The following USH2A variants were observed in gnomAD, a reference collection of about 807,000 sequenced individuals.
The protein encoded by USH2A is Usher syndrome 2A (autosomal recessive, mild).
In USH2A, 443 loss-of-function variants were observed where a neutral mutation model predicts 538.9. That is an observed-to-expected ratio of 0.82 (90% CI 0.76 to 0.89). USH2A has a LOEUF of 0.89. USH2A is among the 40% of genes least tolerant of loss of function. The probability of loss-of-function intolerance (pLI) is 0.00; values close to 1 mark genes in which losing one functional copy is unlikely to be tolerated. For missense variants in USH2A, 6,633 were observed against 6,324.8 expected, an observed-to-expected ratio of 1.05 and a Z score of -1.65; for synonymous variants, 2,413 against 2,273.5, an observed-to-expected ratio of 1.06 and a Z score of -1.75.
At chr1:215,673,450 CCAAA>C (rs1393902524) in intron 63 of USH2A, among the ~76,000 whole-genome samples, 22 of 152,144 alleles carry the variant, frequency 1.4e-4, no homozygotes, top group African/African-American at 4.8e-4. Flanking sequence ...GGGAAAACTG[CCAAA>C]CAATTATTTA....
At chr1:216,394,857 T>C (rs1300127663) in intron 3 of USH2A, among the ~76,000 whole-genome samples, 2 of 151,734 alleles carry the variant, frequency 1.3e-5, no homozygotes, top group South Asian at 2.1e-4. Flanking sequence ...TAGCTGGGAC[T>C]ACAGGCGCCC....
chr1:216,287,962 T>C (rs700025), intron 11 of USH2A, among the ~76,000 whole-genome samples: 143,016 of 152,152 alleles, frequency 0.94, 67,572 homozygotes, highest in East Asian at 1. Flanking sequence ...TTTTATATGA[T>C]CGAAACTGTT....
chr1:216,248,918 C>A (rs2036104346), intron 12 of USH2A, among the ~76,000 whole-genome samples: 1 of 152,038 alleles, frequency 6.6e-6, no homozygotes, highest in South Asian at 2.1e-4. Flanking sequence ...ATTCTTCTCC[C>A]TTTTTATTCT....
chr1:216,084,915 G>A, intron 24 of USH2A, 38 bp from the exon 25 acceptor site: 1 of 1,596,108 alleles, frequency 6.3e-7, no homozygotes, highest in South Asian at 1.1e-5. Context: ...TATATATTTT[G>A]AAAGATTATT....
At chr1:215,877,976 T>C in intron 42 of USH2A, 96 bp from the exon 43 acceptor site, 4 of 1,526,318 alleles carry the variant, frequency 2.6e-6, no homozygotes, top group South Asian at 1.1e-5. Context: ...GTGTGATATA[T>C]GCGTGGAAGC....
At chr1:216,055,766 T>C (rs1330870706) in intron 30 of USH2A, among the ~76,000 whole-genome samples, 2 of 152,206 alleles carry the variant, frequency 1.3e-5, no homozygotes, top group Non-Finnish European at 2.9e-5. Context: ...ACTTCTAATA[T>C]TTACAAAGGG....
chr1:216,344,884 C>T (rs1299429769), intron 4 of USH2A, among the ~76,000 whole-genome samples: 6 of 150,748 alleles, frequency 4.0e-5, no homozygotes, highest in East Asian at 3.9e-4. Context: ...TTTGGCAATA[C>T]GAGATATTAA....
chr1:216,078,320 T>C lies in USH2A; in HGVS notation c.5341A>G (p.Ser1781Gly). 1 of 1,613,654 alleles carries C rather than the reference T, an allele frequency of 6.2e-7. No individual in the cohort carries two copies. The highest frequency in any genetic ancestry group is 2.2e-5 in the East Asian group (1 of 44,894). The change falls in exon 27 of 72, where the codon AGT becomes GGT. Residue 1781 changes from serine (S) to glycine (G), a missense_variant. Coordinates refer to ENST00000307340, the MANE Select transcript of USH2A (RefSeq NM_206933.4). ...AGATCCACTTGTGTAAAGGCAAGAC[T>C]GGTATTTAACCGGAAGGTCAATATT... ...SGILTFRLNTSLAFTQVDLLL... is the reference protein window; with the variant it reads ...SGILTFRLNTGLAFTQVDLLL...
intron 30 of USH2A, among the ~76,000 whole-genome samples, chr1:216,054,026 C>T (rs1260761728): frequency 6.6e-6 from 1 of 152,172 alleles, no homozygotes; most frequent in African/African-American, 2.4e-5. Context: ...AGAGAACTTG[C>T]AACTTAGAAG....
At chr1:216,046,723 G>T in intron 31 of USH2A, 131 bp from the exon 32 acceptor site, 2 of 1,072,462 alleles carry the variant, frequency 1.9e-6, no homozygotes, top group Non-Finnish European at 2.8e-6. Context: ...TTCGTGGGCA[G>T]CTTGTCAGTA....
chr1:216,257,775 T>C (rs952477034), intron 11 of USH2A, among the ~76,000 whole-genome samples: 2 of 152,080 alleles, frequency 1.3e-5, no homozygotes, highest in African/African-American at 4.8e-5. Flanking sequence ...GGATAGGTTA[T>C]ATTGCTATGA....
chr1:215,872,502 C>A (rs924849013), intron 43 of USH2A, among the ~76,000 whole-genome samples: 2 of 152,114 alleles, frequency 1.3e-5, no homozygotes, highest in African/African-American at 2.4e-5. Flanking sequence ...TAATTTCCAT[C>A]TTTGTTCTAC....
At chr1:215,784,773 T>C (rs1468454612) in intron 52 of USH2A, among the ~76,000 whole-genome samples, 2 of 152,214 alleles carry the variant, frequency 1.3e-5, no homozygotes, top group Non-Finnish European at 1.5e-5. Flanking sequence ...ATTTGTAGTA[T>C]TTTCTGCAGG....
At chr1:216,097,468 T>A (rs962734037) in intron 21 of USH2A, among the ~76,000 whole-genome samples, 1 of 152,074 alleles carries the variant, frequency 6.6e-6, no homozygotes. Flanking sequence ...GCAAAACTCA[T>A]CAACCCAAAA....
chr1:216,170,185 G>A (rs998090727), intron 21 of USH2A, among the ~76,000 whole-genome samples: 43 of 151,756 alleles, frequency 2.8e-4, no homozygotes, highest in African/African-American at 1.0e-3. Context: ...TAACAATAAG[G>A]CATAAATATT....
At chr1:215,660,274 T>G (rs1363252584) in intron 64 of USH2A, among the ~76,000 whole-genome samples, 1 of 152,216 alleles carries the variant, frequency 6.6e-6, no homozygotes, top group African/African-American at 2.4e-5. Flanking sequence ...TTGTTTGAGA[T>G]TAAATTAGTT....
At chr1:216,073,062 C>T (rs1315360037) in intron 28 of USH2A, 35 bp downstream of exon 28, 2 of 1,613,394 alleles carry the variant, frequency 1.2e-6, no homozygotes, top group Non-Finnish European at 8.5e-7. Flanking sequence ...GAATAAGAGA[C>T]ATGTAACATT....
Position 215,964,524 on chromosome 1 carries a change from C to G in USH2A, c.7120+793G>C, listed in dbSNP as rs1667285142. On this transcript the variant is annotated intron_variant, in intron 37 of 71. Transcript: ENST00000307340. ...CAGAAACAAAGAAACGTTTTCAAGCCTAAGCAACAGACTAACATGCTAATA... is the reference window on the plus strand; with the variant it reads ...CAGAAACAAAGAAACGTTTTCAAGCGTAAGCAACAGACTAACATGCTAATA... Among the ~76,000 whole-genome samples, 3 of 152,078 alleles carry G rather than the reference C, an allele frequency of 2.0e-5. No individual in the cohort carries two copies. In the South Asian group the frequency reaches 6.2e-4, roughly 31 times the overall value.
At chr1:215,856,893 G>A (rs1664186326) in intron 44 of USH2A, among the ~76,000 whole-genome samples, 2 of 149,262 alleles carry the variant, frequency 1.3e-5, no homozygotes, top group South Asian at 2.1e-4. Flanking sequence ...GCCATTCAAA[G>A]GAACAAAATA....
Sources: allele counts gnomAD v4.1 joint callset (sites outside exome capture counted in the v4.1 genomes callset), GRCh38; gene constraint gnomAD v4.1.1; transcripts MANE v1.5; gene names NCBI Gene and HGNC (gene_info 2026-07-23, HGNC 2026-07-21).